Variants in DNAI4 observed in about 807,000 individuals in gnomAD.
DNAI4 encodes WD repeat domain 78.
A neutral mutation model predicts 105.8 loss-of-function variants in DNAI4; 85 were observed. That is an observed-to-expected ratio of 0.80 (90% CI 0.67 to 0.96). The LOEUF (loss-of-function observed/expected upper bound fraction) is 0.96, where lower values mean the gene tolerates loss of function less well. Ranked by LOEUF, DNAI4 falls within the 40% of genes least tolerant of loss-of-function variation. The probability of loss-of-function intolerance (pLI) is 0.00; values close to 1 mark genes in which losing one functional copy is unlikely to be tolerated. For synonymous variants in DNAI4, 352 were observed against 331.5 expected, an observed-to-expected ratio of 1.06 and a Z score of -0.67; for missense variants, 1,014 against 1,005.6, an observed-to-expected ratio of 1.01 and a Z score of -0.11.
chr1:66,865,331 C>T (rs773256118), intron 6 of DNAI4, among the ~76,000 whole-genome samples: 7 of 151,872 alleles, frequency 4.6e-5, no homozygotes, highest in African/African-American at 7.2e-5. Context: ...GGCTGAGGCA[C>T]GAGAATCACT....
intron 1 of DNAI4, among the ~76,000 whole-genome samples, chr1:66,909,833 T>C (rs980607580): frequency 7.2e-5 from 11 of 152,216 alleles, no homozygotes; most frequent in Middle Eastern, 3.4e-3. Flanking sequence ...TTCCCTATTT[T>C]TGTTAAGGGC....
intron 3 of DNAI4, among the ~76,000 whole-genome samples, chr1:66,892,109 T>C (rs1474120138): frequency 6.6e-6 from 1 of 152,224 alleles, no homozygotes; most frequent in Non-Finnish European, 1.5e-5. Flanking sequence ...AATCCAAAAA[T>C]AATTTCCTTA....
At chr1:66,908,779 G>C (rs1214428379) in intron 1 of DNAI4, among the ~76,000 whole-genome samples, 1 of 152,108 alleles carries the variant, frequency 6.6e-6, no homozygotes, top group African/African-American at 2.4e-5. Flanking sequence ...CCAGCAATCT[G>C]TATTTTCTTG....
chr1:66,874,788 T>C lies in DNAI4; in HGVS notation c.793A>G (p.Lys265Glu). 1 of 1,606,328 alleles carries C rather than the reference T, an allele frequency of 6.2e-7. No homozygotes were observed. Among genetic ancestry groups the C allele is most frequent in the Non-Finnish European group, 8.5e-7 (1 of 1,177,992 alleles). ...CAACTGAACCATACATACGTTACTT[T>C]CTCAGCTTCTTCAGATTCTACAGAG... ...MVSVESEEAE[K>E]VTQRNKNYEV... The change falls in exon 5 of 17, where the codon AAA (lysine) becomes GAA (glutamate). Residue 265 changes from lysine to glutamate, a missense_variant. Coordinates refer to ENST00000371026, the MANE Select transcript of DNAI4 (RefSeq NM_024763.5).
intron 16 of DNAI4, among the ~76,000 whole-genome samples, chr1:66,819,922 T>C (rs1645591889): frequency 6.6e-6 from 1 of 152,068 alleles, no homozygotes; most frequent in African/African-American, 2.4e-5. Flanking sequence ...AAAAGATGAA[T>C]TTAGGCTTTG....
rs1014233611 is a variant in DNAI4, at chr1:66,813,291, T to C, written c.*839A>G. The C allele has an allele frequency of 6.6e-6, 1 of 152,380 alleles. No individual in the cohort carries two copies. Among genetic ancestry groups the C allele is most frequent in the Non-Finnish European group, 1.5e-5 (1 of 68,062 alleles). 9.4% of individuals were successfully genotyped at this position (152,380 alleles called of 1,614,324 possible). A position where few individuals can be genotyped will look rare whatever the true frequency, so the allele number is the denominator to read the frequency against. On this transcript the variant is annotated 3_prime_UTR_variant, in exon 17 of 17. Coordinates refer to ENST00000371026, the MANE Select transcript of DNAI4 (RefSeq NM_024763.5). The stretch of plus-strand genomic sequence containing the variant: ...CCAGGATTTGTTAAAACAAACTGCA[T>C]AGAATGGCCTGTTAGCAATGAATAT...
intron 6 of DNAI4, chr1:66,870,826 G>T (rs2100655278): frequency 7.1e-6 from 1 of 140,712 alleles, no homozygotes; most frequent in African/African-American, 2.7e-5. Context: ...ACACCCTACA[G>T]ATTTTGGCTA....
At chr1:66,877,705 A>C (rs1349845311) in intron 4 of DNAI4, among the ~76,000 whole-genome samples, 3 of 152,088 alleles carry the variant, frequency 2.0e-5, no homozygotes, top group African/African-American at 7.2e-5. Flanking sequence ...AAGACACCAC[A>C]TTACATTTAG....
At position 66,833,978 on chromosome 1, in the gene DNAI4, A is replaced by ATTTTTC; in HGVS notation, c.1891+7_1891+12dup. On this transcript the variant is annotated intron_variant, in intron 12 of 16. Coordinates refer to ENST00000371026, the MANE Select transcript of DNAI4 (RefSeq NM_024763.5). Reference sequence around the variant, plus strand: ...CACGTAACAAGAAAAATATAACTTGATTTTTCTTTTACCATAACAGTCTAG... The same window carrying ATTTTTC: ...CACGTAACAAGAAAAATATAACTTGATTTTTCTTTTTCTTTTACCATAACAGTCTAG... 6.4e-7 allele frequency: 1 copy of ATTTTTC among 1,571,160 alleles called. No individual in the cohort carries two copies. Among genetic ancestry groups the ATTTTTC allele is most frequent in the Non-Finnish European group, 8.6e-7 (1 of 1,165,626 alleles).
At chr1:66,880,696 G>A (rs2100707462) in intron 4 of DNAI4, among the ~76,000 whole-genome samples, 1 of 152,278 alleles carries the variant, frequency 6.6e-6, no homozygotes, top group East Asian at 1.9e-4. Context: ...TTTACCACCT[G>A]ACAATGCAAT....
intron 16 of DNAI4, 122 bp from the exon 17 acceptor site, chr1:66,814,302 A>G: frequency 1.5e-6 from 1 of 683,594 alleles, no homozygotes; most frequent in South Asian, 2.0e-5. Flanking sequence ...AGATTGTAAA[A>G]GGGAAACAAG....
chr1:66,893,621 C>T (rs1648055680), intron 2 of DNAI4, among the ~76,000 whole-genome samples: 1 of 151,946 alleles, frequency 6.6e-6, no homozygotes, highest in African/African-American at 2.4e-5. Context: ...ATTATTTTTG[C>T]TTTATCTATA....
intron 15 of DNAI4, among the ~76,000 whole-genome samples, chr1:66,824,126 A>G (rs1314468779): frequency 7.5e-6 from 1 of 132,560 alleles, no homozygotes; most frequent in East Asian, 2.2e-4. Context: ...CTTTCTACAT[A>G]TGGCTAGCCA....
chr1:66,888,359 T>C (rs1647317362), intron 4 of DNAI4, among the ~76,000 whole-genome samples: 1 of 151,976 alleles, frequency 6.6e-6, no homozygotes, highest in East Asian at 1.9e-4. Flanking sequence ...AGTAGAATTG[T>C]TTAGGTGTCA....
At chr1:66,818,259 A>C (rs1645557720) in intron 16 of DNAI4, among the ~76,000 whole-genome samples, 1 of 152,066 alleles carries the variant, frequency 6.6e-6, no homozygotes, top group Non-Finnish European at 1.5e-5. Flanking sequence ...GGAATATTTA[A>C]GAAAATATAG....
chr1:66,885,637 C>T (rs560559343), intron 4 of DNAI4, among the ~76,000 whole-genome samples: 52 of 151,990 alleles, frequency 3.4e-4, no homozygotes, highest in East Asian at 1.7e-3. Context: ...GCAGGAGAAT[C>T]GCTTGAACCC....
rs1301162395 is a variant in DNAI4 at position 66,834,059 on chromosome 1, A to C, written c.1823T>G (p.Ile608Arg). The stretch of plus-strand genomic sequence containing the variant: ...TCCATCTGCTGATATAGAAACTAGT[A>C]TTTCTCTTTTGCCATCTCCTGTTGT... ...RGTTGDGKRE[I>R]LVSISADGRI... The change falls in exon 12 of 17, where the codon ATA becomes AGA. Residue 608 changes from isoleucine (I) to arginine (R), a missense_variant. Physicochemically the swap from Ile to Arg is moderately conservative, Grantham distance 97. Transcript: ENST00000371026. 6.2e-7 allele frequency: 1 copy of C among 1,612,420 alleles called. No homozygotes were observed. The highest frequency in any genetic ancestry group is 1.3e-5 in the African/African-American group (1 of 74,836).
chr1:66,847,769 T>C, intron 7 of DNAI4, 91 bp from the exon 8 acceptor site: 1 of 1,088,478 alleles, frequency 9.2e-7, no homozygotes, highest in Non-Finnish European at 1.3e-6. Context: ...TCATCATTTG[T>C]ATTTATTTTC....
At chr1:66,815,045 G>A (rs1273631468) in intron 16 of DNAI4, among the ~76,000 whole-genome samples, 1 of 152,154 alleles carries the variant, frequency 6.6e-6, no homozygotes, top group African/African-American at 2.4e-5. Context: ...ATGTAATCTT[G>A]AGAAAATCAT....
Sources: gnomAD v4.1 joint callset for allele counts (sites outside exome capture counted in the v4.1 genomes callset) on GRCh38, gnomAD v4.1.1 for gene constraint, MANE v1.5 for transcripts, NCBI Gene and HGNC (gene_info 2026-07-23, HGNC 2026-07-21) for gene names.